NFIB: variants seen among roughly 807,000 people sequenced by gnomAD.
NFIB encodes the protein nuclear factor 1 B-type.
Under a neutral mutation model 61.5 loss-of-function variants are expected in NFIB, and 11 were observed. The ratio of observed to expected loss-of-function variants is 0.18; its 90% CI spans 0.11 to 0.30. The LOEUF is 0.30. Among genes scored for constraint, NFIB ranks in the 10% least tolerant of loss-of-function variants. The probability of loss-of-function intolerance (pLI) is 1.00; values close to 1 mark genes in which losing one functional copy is unlikely to be tolerated. For missense variants in NFIB, 471 were observed against 608.9 expected, an observed-to-expected ratio of 0.77 and a Z score of 2.38; for synonymous variants, 260 against 216.5, an observed-to-expected ratio of 1.20 and a Z score of -1.76.
chr9:14,120,753 G>T lies in NFIB; in HGVS notation c.1061-129C>A, dbSNP rs2119154027. ...ATTTTTGTCCCCATGATTTAACCAAGCTCTCCTAAATCAACAGTTACTTTT... is the reference window on the plus strand; with the variant it reads ...ATTTTTGTCCCCATGATTTAACCAATCTCTCCTAAATCAACAGTTACTTTT... On this transcript the variant is annotated intron_variant, in intron 7 of 10. Coordinates refer to ENST00000380953, the MANE Select transcript of NFIB (RefSeq NM_001190737.2). The surrounding 1 kb of genome is among the most constrained non-coding windows in gnomAD (Gnocchi z 4.4). 1 of 899,098 alleles carries T rather than the reference G, an allele frequency of 1.1e-6. No individual in the cohort carries two copies. Among genetic ancestry groups the T allele is most frequent in the Non-Finnish European group, 1.6e-6 (1 of 607,476 alleles). 55.7% of individuals were successfully genotyped at this position (899,098 alleles called of 1,614,324 possible).
At chr9:14,195,675 T>C (rs1276446720) in intron 2 of NFIB, among the ~76,000 whole-genome samples, 2 of 152,300 alleles carry the variant, frequency 1.3e-5, no homozygotes, top group Middle Eastern at 3.4e-3. Flanking sequence ...AAGCCAAAGC[T>C]TCCTCCTCAC....
the NFIB span, among the ~76,000 whole-genome samples, chr9:14,428,575 G>A: frequency 2.0e-5 from 3 of 152,164 alleles, no homozygotes; most frequent in Non-Finnish European, 2.9e-5. Flanking sequence ...AGAAAAACCT[G>A]CTTCTTTGAT....
intron 2 of NFIB, among the ~76,000 whole-genome samples, chr9:14,249,425 T>C (rs1488221430): frequency 1.3e-5 from 2 of 152,228 alleles, no homozygotes. Context: ...TATGCTCTTA[T>C]AGCATCATGT....
At chr9:14,398,922 G>C (rs2061715228) in exon 1 of NFIB, 3 of 318,904 alleles carry the variant, frequency 9.4e-6, no homozygotes, top group Non-Finnish European at 1.7e-5. Flanking sequence ...CAGCTCAACA[G>C]TGATATTCTA....
At chr9:14,297,844 G>A (rs1321298716) in intron 2 of NFIB, among the ~76,000 whole-genome samples, 1 of 152,126 alleles carries the variant, frequency 6.6e-6, no homozygotes, top group Non-Finnish European at 1.5e-5. Flanking sequence ...AGTTTGGTAG[G>A]ATAAAAATAT....
At chr9:14,219,325 A>G (rs544221115) in intron 2 of NFIB, among the ~76,000 whole-genome samples, 1 of 132,036 alleles carries the variant, frequency 7.6e-6, no homozygotes, top group African/African-American at 2.8e-5. Context: ...ATTGACAAAT[A>G]TTGCTATTTT....
At chr9:14,511,711 A>T in the NFIB span, among the ~76,000 whole-genome samples, 1 of 152,152 alleles carries the variant, frequency 6.6e-6, no homozygotes, top group Admixed American at 6.5e-5. Context: ...GCTTCTAGGT[A>T]TTTTGGTTCT....
At chr9:14,124,423 TG>T (rs2039372462) in intron 7 of NFIB, among the ~76,000 whole-genome samples, 1 of 152,192 alleles carries the variant, frequency 6.6e-6, no homozygotes, top group African/African-American at 2.4e-5. Flanking sequence ...AATTTTTTAA[TG>T]ATAGCAATAA....
At chr9:14,203,490 C>T (rs992139020) in intron 2 of NFIB, among the ~76,000 whole-genome samples, 1 of 152,202 alleles carries the variant, frequency 6.6e-6, no homozygotes, top group African/African-American at 2.4e-5. Flanking sequence ...TAAGATATTT[C>T]TGGACTGTGT....
intron 1 of NFIB, among the ~76,000 whole-genome samples, chr9:14,320,809 C>G (rs1430164783): frequency 6.6e-6 from 1 of 152,092 alleles, no homozygotes; most frequent in Non-Finnish European, 1.5e-5. Context: ...AGTGTGGGAT[C>G]AAAAGTTAAC....
intron 3 of NFIB, among the ~76,000 whole-genome samples, chr9:14,167,586 T>C (rs1253682316): frequency 1.3e-5 from 2 of 152,112 alleles, no homozygotes. Flanking sequence ...CTGTACACTA[T>C]ATATATGCAA....
rs1284717714 is a variant in NFIB, at chr9:14,252,413, A to G, written c.562+54576T>C. The stretch of plus-strand genomic sequence containing the variant: ...AAAAATACTGTAGATTTTCTATATC[A>G]TTATATTTATAGTTTTTCATCCTTT... On this transcript the variant is annotated intron_variant, in intron 2 of 10. Transcript: ENST00000380953. Among the ~76,000 whole-genome samples the G allele has an allele frequency of 2.0e-5, 3 of 152,296 alleles. No homozygotes were observed. In the East Asian group the frequency reaches 5.8e-4, roughly 29 times the overall value.
chr9:14,421,194 T>C, the NFIB span, among the ~76,000 whole-genome samples: 1 of 152,196 alleles, frequency 6.6e-6, no homozygotes, highest in East Asian at 1.9e-4. Flanking sequence ...TTCATTTCTT[T>C]CTAGATGCCA....
chr9:14,124,414 A>AT (rs1352085785), intron 7 of NFIB, among the ~76,000 whole-genome samples: 1 of 152,116 alleles, frequency 6.6e-6, no homozygotes, highest in African/African-American at 2.4e-5. Context: ...CAATTTCGTA[A>AT]TTTTTTAATG....
chr9:14,486,171 G>A, the NFIB span, among the ~76,000 whole-genome samples: 1 of 152,158 alleles, frequency 6.6e-6, no homozygotes, highest in Admixed American at 6.5e-5. Context: ...TGGGGAATGT[G>A]ACCTAGAAAT....
At chr9:14,172,295 T>C (rs568650761) in intron 3 of NFIB, among the ~76,000 whole-genome samples, 1 of 152,286 alleles carries the variant, frequency 6.6e-6, no homozygotes, top group African/African-American at 2.4e-5. Flanking sequence ...AGATGTATGT[T>C]TTAAAATAAG....
Position 14,296,763 on chromosome 9 carries a change from T to C in NFIB, c.562+10226A>G, listed in dbSNP as rs115733110. On this transcript the variant is annotated intron_variant, in intron 2 of 10. Coordinates refer to ENST00000380953, the MANE Select transcript of NFIB (RefSeq NM_001190737.2). Reference sequence around the variant, plus strand: ...GTGTCTGTAAGTCACACAGTTTATGTTATTTTGTTATAGTAGCCTGAACTA... The same window carrying C: ...GTGTCTGTAAGTCACACAGTTTATGCTATTTTGTTATAGTAGCCTGAACTA... Among the ~76,000 whole-genome samples the C allele has an allele frequency of 4.9e-3, 748 of 152,360 alleles. 4 individuals carry two copies. The highest frequency in any genetic ancestry group is 0.017 in the African/African-American group (711 of 41,582).
chr9:14,196,248 T>C (rs1484434100), intron 2 of NFIB, among the ~76,000 whole-genome samples: 1 of 152,194 alleles, frequency 6.6e-6, no homozygotes, highest in East Asian at 1.9e-4. Context: ...AGGGAGGATC[T>C]ATAAGTGAAA....
intron 2 of NFIB, among the ~76,000 whole-genome samples, chr9:14,291,843 T>C (rs1421778034): frequency 5.9e-5 from 9 of 152,114 alleles, no homozygotes; most frequent in Admixed American, 3.3e-4. Flanking sequence ...CTCAATCATC[T>C]TTTCTTATGT....
Sources: gnomAD v4.1 joint callset for allele counts (sites outside exome capture counted in the v4.1 genomes callset) on GRCh38, gnomAD v4.1.1 for gene constraint, Gnocchi (gnomAD v3.1) non-coding constraint, MANE v1.5 for transcripts, NCBI Gene and HGNC (gene_info 2026-07-23, HGNC 2026-07-21) for gene names.